SAMD12: variants seen among roughly 807,000 people sequenced by gnomAD.
SAMD12 encodes sterile alpha motif domain containing 12, also known as sterile alpha motif domain-containing protein 12.
Under a neutral mutation model 15.0 loss-of-function variants are expected in SAMD12, and 9 were observed. That is an observed-to-expected ratio of 0.60 (90% confidence interval 0.36 to 1.05). The LOEUF is 1.05. Ranked by LOEUF, SAMD12 falls within the 50% of genes least tolerant of loss-of-function variation. SAMD12 has a pLI of 0.01. For synonymous variants in SAMD12, 86 were observed against 90.1 expected (o/e 0.96, Z 0.25); for missense variants, 230 against 234.2 (o/e 0.98, Z 0.12).
At chr8:118,473,538 CTG>C (rs1823867699) in intron 2 of SAMD12, among the ~76,000 whole-genome samples, 2 of 152,192 alleles carry the variant, frequency 1.3e-5, no homozygotes, top group Non-Finnish European at 1.5e-5. Flanking sequence ...CACCCTGACT[CTG>C]TTATTCCCAT....
chr8:118,197,801 A>G, intron 4 of SAMD12: 1 of 1,377,922 alleles, frequency 7.3e-7, no homozygotes, highest in Non-Finnish European at 1.0e-6. Context: ...GATATGTAGC[A>G]ATTATCTTAT....
At chr8:118,356,113 G>C (rs753192800) in intron 4 of SAMD12, among the ~76,000 whole-genome samples, 3 of 152,122 alleles carry the variant, frequency 2.0e-5, no homozygotes, top group Non-Finnish European at 2.9e-5. Flanking sequence ...TAATTACTTT[G>C]CAAAAATATC....
rs1434669795 is a variant in SAMD12 at position 118,410,255 on chromosome 8, GT to G, written c.322+29576del. Among the ~76,000 whole-genome samples the G allele has an allele frequency of 2.0e-5, 3 of 152,174 alleles. No individual in the cohort carries two copies. In the East Asian group the frequency reaches 5.8e-4, roughly 29 times the overall value. ...ATGAAAGAGACTGTAGAAAATGAAG[GT>G]TGAAAGGGAGAGAGTTGTCCTATTT... On this transcript the variant is annotated intron_variant, in intron 3 of 3. Transcript: ENST00000314727.
chr8:118,228,329 G>C (rs1013033114), intron 4 of SAMD12, among the ~76,000 whole-genome samples: 1 of 151,976 alleles, frequency 6.6e-6, no homozygotes, highest in Non-Finnish European at 1.5e-5. Context: ...AGGAACAGTC[G>C]GCAGAGTCAA....
At chr8:118,362,574 C>T (rs1182785462) in intron 4 of SAMD12, among the ~76,000 whole-genome samples, 1 of 152,122 alleles carries the variant, frequency 6.6e-6, no homozygotes, top group African/African-American at 2.4e-5. Context: ...TCAGAATCTC[C>T]ATATACTACC....
chr8:118,350,029 G>A (rs1239604288), intron 4 of SAMD12, among the ~76,000 whole-genome samples: 2 of 151,970 alleles, frequency 1.3e-5, no homozygotes, highest in Non-Finnish European at 1.5e-5. Flanking sequence ...TCAAGGGGCT[G>A]GGGTAGGAGG....
At chr8:118,342,250 CCA>C (rs10609862) in intron 4 of SAMD12, among the ~76,000 whole-genome samples, 100,633 of 150,620 alleles carry the variant, frequency 0.67, 34,127 homozygotes, top group East Asian at 0.83. Context: ...CGAGATCATG[CCA>C]CACTGCACAC....
chr8:118,212,867 A>G (rs1020370593), intron 4 of SAMD12, among the ~76,000 whole-genome samples: 2 of 152,194 alleles, frequency 1.3e-5, no homozygotes, highest in Non-Finnish European at 2.9e-5. Context: ...AAAAGGTACA[A>G]TTCAGAAATG....
intron 1 of SAMD12, among the ~76,000 whole-genome samples, chr8:118,593,316 T>C (rs10505342): frequency 0.091 from 13,839 of 152,094 alleles, 684 homozygotes; most frequent in South Asian, 0.16. Flanking sequence ...TTGATAAGTA[T>C]ACGAGTTGCT....
intron 4 of SAMD12, among the ~76,000 whole-genome samples, chr8:118,252,458 C>A (rs1023740677): frequency 5.3e-5 from 8 of 151,674 alleles, no homozygotes; most frequent in Admixed American, 5.2e-4. Flanking sequence ...AGGAGGAGCA[C>A]CTTATCATCT....
Position 118,367,998 on chromosome 8 carries a change from C to A in SAMD12, c.433+11562G>T, listed in dbSNP as rs573918104. ...AAAAGATGCTAATCAGGATATACAT[C>A]TCATAATTCTAACTGCTACTGATAA... On this transcript the variant is annotated intron_variant, in intron 4 of 4. Transcript: ENST00000409003. 3.9e-5 allele frequency among the ~76,000 whole-genome samples: 6 copies of A among 152,288 alleles called. No individual in the cohort carries two copies. The South Asian group carries it at 8.3e-4, about 21-fold the overall frequency.
chr8:118,355,595 G>C (rs904153479), intron 4 of SAMD12, among the ~76,000 whole-genome samples: 4 of 152,188 alleles, frequency 2.6e-5, no homozygotes, highest in Admixed American at 6.5e-5. Context: ...AGACAGTTTG[G>C]AGGTAGTAGT....
intron 2 of SAMD12, among the ~76,000 whole-genome samples, chr8:118,441,621 T>C (rs1822766144): frequency 6.6e-6 from 1 of 152,228 alleles, no homozygotes; most frequent in African/African-American, 2.4e-5. Flanking sequence ...CATATATTCA[T>C]ATATGTATGT....
intron 2 of SAMD12, among the ~76,000 whole-genome samples, chr8:118,442,406 T>C (rs962305144): frequency 5.9e-5 from 9 of 152,258 alleles, no homozygotes; most frequent in Non-Finnish European, 1.0e-4. Flanking sequence ...TAATCAAACA[T>C]GCCTGCAGCC....
chr8:118,449,378 G>C (rs540429326), intron 2 of SAMD12, among the ~76,000 whole-genome samples: 1 of 152,006 alleles, frequency 6.6e-6, no homozygotes, highest in East Asian at 1.9e-4. Flanking sequence ...CAGAGTCTTT[G>C]GATTCCAGCC....
intron 3 of SAMD12, among the ~76,000 whole-genome samples, chr8:118,395,514 C>G (rs1820511328): frequency 6.6e-6 from 1 of 152,108 alleles, no homozygotes; most frequent in Non-Finnish European, 1.5e-5. Flanking sequence ...AGCAAACACC[C>G]TGAGGCCAGT....
At chr8:118,381,365 G>A (rs995979166) in intron 3 of SAMD12, among the ~76,000 whole-genome samples, 4 of 152,164 alleles carry the variant, frequency 2.6e-5, no homozygotes, top group Admixed American at 6.5e-5. Flanking sequence ...AATCAGACTC[G>A]AGTAATTTCC....
chr8:118,417,832 T>C (rs923183705), intron 3 of SAMD12, among the ~76,000 whole-genome samples: 4 of 152,240 alleles, frequency 2.6e-5, no homozygotes, highest in African/African-American at 9.6e-5. Context: ...TAATCTATCA[T>C]TAACAACAAT....
At chr8:118,347,064 T>A (rs765569498) in intron 4 of SAMD12, among the ~76,000 whole-genome samples, 1 of 152,202 alleles carries the variant, frequency 6.6e-6, no homozygotes, top group Non-Finnish European at 1.5e-5. Context: ...TAGCTGGGAC[T>A]ACAAGCACGT....
Sources: gnomAD v4.1 joint callset for allele counts (sites outside exome capture counted in the v4.1 genomes callset) on GRCh38, gnomAD v4.1.1 for gene constraint, MANE v1.5 for transcripts, NCBI Gene and HGNC (gene_info 2026-07-23, HGNC 2026-07-21) for gene names.